The following GRIK1 variants were observed in gnomAD, a reference collection of about 807,000 sequenced individuals.
GRIK1 encodes the protein glutamate receptor ionotropic, kainate 1.
A neutral mutation model predicts 105.7 loss-of-function variants in GRIK1; 69 were observed. That is an observed-to-expected ratio of 0.65 (90% CI 0.54 to 0.80). The LOEUF is 0.80. Ranked by LOEUF, GRIK1 falls within the 30% of genes least tolerant of loss-of-function variation. The probability of loss-of-function intolerance (pLI) is 0.00; values close to 1 mark genes in which losing one functional copy is unlikely to be tolerated. For missense variants in GRIK1, 1,109 were observed against 1,167.3 expected (o/e 0.95, Z 0.73); for synonymous variants, 438 against 431.3 (o/e 1.02, Z -0.19).
intron 1 of GRIK1, among the ~76,000 whole-genome samples, chr21:29,832,546 G>A (rs556782521): frequency 6.6e-6 from 1 of 152,178 alleles, no homozygotes; most frequent in Non-Finnish European, 1.5e-5. Flanking sequence ...AACAGCACAT[G>A]GAAGCCATCA....
intron 7 of GRIK1, among the ~76,000 whole-genome samples, chr21:29,626,414 G>A (rs374323004): frequency 1.3e-5 from 2 of 152,104 alleles, no homozygotes; most frequent in African/African-American, 2.4e-5. Flanking sequence ...CATTCAAATC[G>A]TAACATCCAG....
At chr21:29,765,373 C>T (rs556674345) in intron 1 of GRIK1, among the ~76,000 whole-genome samples, 34 of 152,004 alleles carry the variant, frequency 2.2e-4, no homozygotes, top group Non-Finnish European at 4.1e-4. Flanking sequence ...TTTGCAATTT[C>T]CTTCTAATCT....
At chr21:29,900,897 T>A (rs983636739) in intron 1 of GRIK1, among the ~76,000 whole-genome samples, 13 of 152,142 alleles carry the variant, frequency 8.5e-5, no homozygotes, top group Non-Finnish European at 2.9e-5. Context: ...AGCAAAGCAC[T>A]CCTCAGCAAA....
chr21:29,896,203 T>G (rs1464991920), intron 1 of GRIK1, among the ~76,000 whole-genome samples: 2 of 152,194 alleles, frequency 1.3e-5, no homozygotes, highest in African/African-American at 4.8e-5. Context: ...GTGAGGCGAA[T>G]TGTGTGCAAA....
intron 14 of GRIK1, among the ~76,000 whole-genome samples, chr21:29,574,120 A>T (rs1171203543): frequency 6.6e-6 from 1 of 152,186 alleles, no homozygotes; most frequent in Non-Finnish European, 1.5e-5. Context: ...TTTTGTTTAG[A>T]CTTGGGTCCC....
chr21:29,657,055 T>G (rs1450180413), intron 4 of GRIK1, among the ~76,000 whole-genome samples: 1 of 152,218 alleles, frequency 6.6e-6, no homozygotes, highest in East Asian at 1.9e-4. Context: ...AGCTGTTCTC[T>G]TATATCATTC....
At chr21:29,931,259 C>T (rs1185791832) in intron 1 of GRIK1, among the ~76,000 whole-genome samples, 1 of 152,172 alleles carries the variant, frequency 6.6e-6, no homozygotes, top group Non-Finnish European at 1.5e-5. Context: ...CACTAATCTT[C>T]TTAGGCTTAT....
chr21:29,867,949 AGAGAGAGAAAAT>A (rs1466961472), intron 1 of GRIK1, among the ~76,000 whole-genome samples: 2 of 148,546 alleles, frequency 1.3e-5, no homozygotes, highest in Non-Finnish European at 3.0e-5. Context: ...AGAGAGAGAA[AGAGAGAGAAAAT>A]GAGAGAGAAA....
intron 1 of GRIK1, among the ~76,000 whole-genome samples, chr21:29,799,943 A>G (rs1386893475): frequency 6.6e-6 from 1 of 152,238 alleles, no homozygotes. Flanking sequence ...TAAAGTGTGA[A>G]TGAATTTTGT....
intron 7 of GRIK1, among the ~76,000 whole-genome samples, chr21:29,642,413 C>A (rs939175381): frequency 6.6e-6 from 1 of 152,196 alleles, no homozygotes; most frequent in Non-Finnish European, 1.5e-5. Context: ...TCCTGTACAG[C>A]CTGAGCTTTA....
At chr21:29,687,936 C>T (rs193297509) in intron 3 of GRIK1, among the ~76,000 whole-genome samples, 194 of 152,320 alleles carry the variant, frequency 1.3e-3, no homozygotes, top group African/African-American at 4.5e-3. Flanking sequence ...GATGATTATA[C>T]TACAGAGTTC....
chr21:29,560,365 C>CTTTTT (rs1568813612), intron 15 of GRIK1, among the ~76,000 whole-genome samples: 1 of 16,150 alleles, frequency 6.2e-5, no homozygotes, highest in Non-Finnish European at 1.2e-4. Context: ...CTTTTTCTTT[C>CTTTTT]TTCCTTCCTT....
At chr21:29,603,212 A>T (rs1313431176) in intron 7 of GRIK1, among the ~76,000 whole-genome samples, 1 of 152,096 alleles carries the variant, frequency 6.6e-6, no homozygotes. Flanking sequence ...ACAAAAGGAT[A>T]CTTTACCACT....
At chr21:29,783,025 A>C (rs1019026687) in intron 1 of GRIK1, among the ~76,000 whole-genome samples, 4 of 152,208 alleles carry the variant, frequency 2.6e-5, no homozygotes, top group African/African-American at 9.6e-5. Context: ...AAAAGACTGT[A>C]CCATTATATA....
At chr21:29,843,074 T>C (rs1601831023) in intron 1 of GRIK1, among the ~76,000 whole-genome samples, 2 of 152,336 alleles carry the variant, frequency 1.3e-5, no homozygotes, top group East Asian at 3.9e-4. Context: ...GAATGGTATA[T>C]GTTCAGTAGG....
At chr21:29,591,497 T>G (rs1385835770) in intron 9 of GRIK1, among the ~76,000 whole-genome samples, 1 of 152,166 alleles carries the variant, frequency 6.6e-6, no homozygotes, top group Non-Finnish European at 1.5e-5. Context: ...AATGAAAAAA[T>G]ATATAAGAAT....
chr21:29,872,863 A>G (rs2069068476), intron 1 of GRIK1, among the ~76,000 whole-genome samples: 1 of 152,198 alleles, frequency 6.6e-6, no homozygotes, highest in Non-Finnish European at 1.5e-5. Context: ...CATGGTGATT[A>G]CAGGAGCTAC....
chr21:29,875,450 C>A (rs2069158955), intron 1 of GRIK1, among the ~76,000 whole-genome samples: 1 of 149,950 alleles, frequency 6.7e-6, no homozygotes, highest in South Asian at 2.1e-4. Flanking sequence ...CTAGTTGTCA[C>A]CCCTGTTGGT....
chr21:29,537,102 A>G lies in GRIK1; in HGVS notation c.*128T>C. The G allele has an allele frequency of 2.0e-6, 1 of 497,246 alleles. No homozygotes were observed. Among genetic ancestry groups the G allele is most frequent in the Middle Eastern group, 4.6e-4 (1 of 2,190 alleles). 30.8% of individuals were successfully genotyped at this position (497,246 alleles called of 1,614,324 possible). The stretch of plus-strand genomic sequence containing the variant: ...AGCTTTTTAAACTTTTGTATTTCTT[A>G]TATCTGTATTCATAATCAGAGTTAT... On this transcript the variant is annotated 3_prime_UTR_variant, in exon 18 of 18. Coordinates refer to ENST00000327783, the MANE Select transcript of GRIK1 (RefSeq NM_001330994.2).
Sources: allele counts gnomAD v4.1 joint callset (sites outside exome capture counted in the v4.1 genomes callset), GRCh38; gene constraint gnomAD v4.1.1; transcripts MANE v1.5; gene names NCBI Gene and HGNC (gene_info 2026-07-23, HGNC 2026-07-21).